Variants in RBFOX1 observed in about 807,000 individuals in gnomAD.
RBFOX1 encodes the protein RNA binding fox-1 homolog 1.
RBFOX1 carries 8 observed loss-of-function variants against 57.7 expected under a neutral mutation model. The ratio of observed to expected loss-of-function variants is 0.14; its 90% CI spans 0.08 to 0.25. The LOEUF (loss-of-function observed/expected upper bound fraction) is 0.25. RBFOX1 is among the 10% of genes least tolerant of loss of function. The probability of loss-of-function intolerance (pLI) is 1.00; values close to 1 mark genes in which losing one functional copy is unlikely to be tolerated. For missense variants in RBFOX1, 611 were observed against 548.5 expected (o/e 1.11, Z -1.14); for synonymous variants, 326 against 222.4 (o/e 1.47, Z -4.15).
intron 2 of RBFOX1, among the ~76,000 whole-genome samples, chr16:6,423,565 C>T (rs569724878): frequency 1.3e-5 from 2 of 152,298 alleles, no homozygotes; most frequent in African/African-American, 2.4e-5. Context: ...TGCCAGTGCA[C>T]TCCAGCCTGG....
At chr16:6,388,862 G>C (rs1055349037) in intron 2 of RBFOX1, among the ~76,000 whole-genome samples, 1 of 152,320 alleles carries the variant, frequency 6.6e-6, no homozygotes, top group South Asian at 2.1e-4. Context: ...TCAGTAATAT[G>C]TGGAATCTAA....
rs116425102 is a variant in RBFOX1 at position 6,981,342 on chromosome 16, C to T, written c.-15-70715C>T. Among the ~76,000 whole-genome samples the T allele has an allele frequency of 9.0e-3, 1,365 of 152,094 alleles. 35 individuals are homozygous for T. The highest frequency in any genetic ancestry group is 0.031 in the African/African-American group (1,291 of 41,464). ...TCCATGTGTTCTCATTATTTAGCTC[C>T]TACTTTACTTTTCTGTTTCTGTGTT... is the stretch of plus-strand genomic sequence containing the variant. On this transcript the variant is annotated intron_variant, in intron 3 of 15. Transcript: ENST00000550418.
chr16:7,534,887 C>G (rs1755829897), intron 5 of RBFOX1, among the ~76,000 whole-genome samples: 1 of 152,158 alleles, frequency 6.6e-6, no homozygotes, highest in African/African-American at 2.4e-5. Context: ...TGCGATTTTC[C>G]TTCTTTAGCT....
At chr16:6,666,877 T>C (rs574662916) in intron 3 of RBFOX1, among the ~76,000 whole-genome samples, 2 of 152,260 alleles carry the variant, frequency 1.3e-5, no homozygotes, top group Admixed American at 1.3e-4. Flanking sequence ...CTCGGGGTCC[T>C]CAATGAGTCT....
intron 3 of RBFOX1, among the ~76,000 whole-genome samples, chr16:5,726,319 T>C (rs2052150485): frequency 6.6e-6 from 1 of 152,078 alleles, no homozygotes; most frequent in Non-Finnish European, 1.5e-5. Flanking sequence ...CAGGCCTGAC[T>C]TTCTTTTCAT....
At chr16:7,567,303 CTA>C (rs199970979) in intron 5 of RBFOX1, among the ~76,000 whole-genome samples, 30,282 of 111,832 alleles carry the variant, frequency 0.27, 6,292 homozygotes, top group South Asian at 0.37. Context: ...ATATATGGCC[CTA>C]TATATATATA....
chr16:6,331,608 GTATA>G (rs34988811), intron 2 of RBFOX1, among the ~76,000 whole-genome samples: 6 of 146,984 alleles, frequency 4.1e-5, no homozygotes, highest in Admixed American at 6.8e-5. Flanking sequence ...ATATATATGT[GTATA>G]TATATATATA....
chr16:6,525,537 T>C (rs2096566549), intron 2 of RBFOX1, among the ~76,000 whole-genome samples: 2 of 152,212 alleles, frequency 1.3e-5, no homozygotes, highest in Non-Finnish European at 2.9e-5. Flanking sequence ...CATCACAGAC[T>C]GGGTAATTTC....
intron 2 of RBFOX1, among the ~76,000 whole-genome samples, chr16:6,544,365 C>T (rs779130993): frequency 6.6e-6 from 1 of 152,170 alleles, no homozygotes; most frequent in Non-Finnish European, 1.5e-5. Flanking sequence ...ACCTTTTCCC[C>T]TCTTGCAATC....
Position 7,039,582 on chromosome 16 carries a change from C to T in RBFOX1, c.-15-12475C>T, listed in dbSNP as rs974312439. 1.2e-4 allele frequency among the ~76,000 whole-genome samples: 18 copies of T among 152,230 alleles called. No individual in the cohort carries two copies. In the East Asian group the frequency reaches 3.5e-3, roughly 29 times the overall value. On this transcript the variant is annotated intron_variant, in intron 3 of 15. Transcript: ENST00000550418. ...AACCTAAGCATTTACTAGTGTAACA[C>T]ACTTTTGTTCTTCCTTGTGACAAAA...
At chr16:5,854,092 A>G (rs1000693183) in intron 3 of RBFOX1, among the ~76,000 whole-genome samples, 2 of 152,228 alleles carry the variant, frequency 1.3e-5, no homozygotes, top group African/African-American at 4.8e-5. Context: ...GGTTAACAGT[A>G]TGTTTTGATA....
chr16:5,389,315 A>C lies in RBFOX1; in HGVS notation c.220-77901A>C, dbSNP rs114341117. 7.4e-3 allele frequency among the ~76,000 whole-genome samples: 1,130 copies of C among 152,350 alleles called. 16 individuals are homozygous for C. Among genetic ancestry groups the C allele is most frequent in the African/African-American group, 0.026 (1,072 of 41,588 alleles). ...CTTCTCTTCCTCCAATCTTACCTGC[A>C]TAACAGGCTTTTCGACCTTGGCTCT... is the stretch of plus-strand genomic sequence containing the variant. On this transcript the variant is annotated intron_variant, in intron 1 of 2. Coordinates refer to the RBFOX1 transcript ENST00000585867.
intron 3 of RBFOX1, among the ~76,000 whole-genome samples, chr16:5,732,405 AG>A (rs2052410980): frequency 6.6e-6 from 1 of 152,232 alleles, no homozygotes; most frequent in African/African-American, 2.4e-5. Flanking sequence ...CTCAGGAGCA[AG>A]AAAGCTTAGT....
At chr16:7,546,466 C>G (rs1262522356) in intron 5 of RBFOX1, among the ~76,000 whole-genome samples, 2 of 152,116 alleles carry the variant, frequency 1.3e-5, no homozygotes, top group Admixed American at 6.6e-5. Context: ...GTGCTTAAAC[C>G]CATATTCAAT....
rs192684199 is a variant in RBFOX1, at chr16:5,804,550, C to G, written c.319-62753C>G. On this transcript the variant is annotated intron_variant, in intron 3 of 19. Transcript: ENST00000641259. ...AATGAAACGTTGAGTGCTGTGAATT[C>G]CAGGTATGAGTTGCATTCCACCCAG... 3.9e-5 allele frequency among the ~76,000 whole-genome samples: 6 copies of G among 152,234 alleles called. No homozygotes were observed. In the East Asian group the frequency reaches 1.2e-3, roughly 29 times the overall value.
chr16:7,097,118 G>C lies in RBFOX1; in HGVS notation c.27+45020G>C, dbSNP rs146965580. On this transcript the variant is annotated intron_variant, in intron 4 of 15. Coordinates refer to ENST00000550418, the MANE Select transcript of RBFOX1 (RefSeq NM_018723.4). ...GGACAAAAACAAAAAATGTGCTTGG[G>C]AAATGCAACCGCGAGAGAGGTATTG... Among the ~76,000 whole-genome samples the C allele has an allele frequency of 7.8e-3, 1,186 of 152,184 alleles. 11 individuals carry two copies. Among genetic ancestry groups the C allele is most frequent in the Non-Finnish European group, 0.013 (855 of 68,006 alleles).
At chr16:5,918,893 C>G (rs534096319) in intron 4 of RBFOX1, among the ~76,000 whole-genome samples, 109 of 152,296 alleles carry the variant, frequency 7.2e-4, no homozygotes, top group African/African-American at 1.7e-3. Flanking sequence ...GAAAAGTCGT[C>G]TTTAGGTCCA....
intron 3 of RBFOX1, among the ~76,000 whole-genome samples, chr16:6,891,831 A>G (rs1191456017): frequency 3.9e-5 from 6 of 152,208 alleles, no homozygotes; most frequent in African/African-American, 1.4e-4. Flanking sequence ...TAGGGTTGGC[A>G]TATGATACCA....
chr16:5,545,101 C>T (rs143672372), intron 2 of RBFOX1, among the ~76,000 whole-genome samples: 54 of 151,724 alleles, frequency 3.6e-4, no homozygotes, highest in Admixed American at 2.0e-3. Context: ...CTCAGCCTTC[C>T]GAGTAGCTGG....
Sources: gnomAD v4.1 joint callset for allele counts (sites outside exome capture counted in the v4.1 genomes callset) on GRCh38, gnomAD v4.1.1 for gene constraint, MANE v1.5 for transcripts, NCBI Gene and HGNC (gene_info 2026-07-23, HGNC 2026-07-21) for gene names.